CGGBP1: variants seen among roughly 807,000 people sequenced by gnomAD.
The protein encoded by CGGBP1 is CGG triplet repeat-binding protein 1.
A neutral mutation model predicts 11.4 loss-of-function variants in CGGBP1; 4 were observed. That is an observed-to-expected ratio of 0.35 (90% CI 0.17 to 0.80). CGGBP1 has a LOEUF of 0.80. Ranked by LOEUF, CGGBP1 falls within the 30% of genes least tolerant of loss-of-function variation. The pLI, the probability that CGGBP1 is intolerant of heterozygous loss-of-function variation, is 0.52. For missense variants in CGGBP1, 135 were observed against 202.1 expected (o/e 0.67, Z 2.01); for synonymous variants, 76 against 74.1 (o/e 1.03, Z -0.13).
intron 2 of CGGBP1, among the ~76,000 whole-genome samples, chr3:88,082,403 G>A (rs908279684): frequency 6.6e-6 from 1 of 152,208 alleles, no homozygotes; most frequent in Non-Finnish European, 1.5e-5. Context: ...GGGATTACAG[G>A]CGTGAGCCAC....
At chr3:88,132,041 G>A (rs1706497137) in intron 2 of CGGBP1, among the ~76,000 whole-genome samples, 1 of 152,058 alleles carries the variant, frequency 6.6e-6, no homozygotes. Flanking sequence ...TGTTTGCTGA[G>A]TGCTTCCTAT....
intron 2 of CGGBP1, among the ~76,000 whole-genome samples, chr3:88,119,387 G>C (rs1359678422): frequency 6.7e-5 from 1 of 14,886 alleles, no homozygotes; most frequent in Non-Finnish European, 3.0e-4. Context: ...GACTGTTGTG[G>C]GGTGGGGGGA....
chr3:88,094,748 G>T (rs1703956958), intron 2 of CGGBP1, among the ~76,000 whole-genome samples: 1 of 151,982 alleles, frequency 6.6e-6, no homozygotes, highest in Non-Finnish European at 1.5e-5. Context: ...GCTTAATCTT[G>T]TGCTAAGTCA....
Position 88,113,090 on chromosome 3 carries a change from A to C in CGGBP1, c.-229+27880T>G, listed in dbSNP as rs538764016. Reference sequence around the variant, plus strand: ...TGGAGCAAAACTCAAAGAAGCAATGAAAGTTATTCACTTATTCTTTCTAGG... The same window carrying C: ...TGGAGCAAAACTCAAAGAAGCAATGCAAGTTATTCACTTATTCTTTCTAGG... On this transcript the variant is annotated intron_variant, in intron 2 of 3. Coordinates refer to the CGGBP1 transcript ENST00000462901. 9.6e-6 allele frequency: 14 copies of C among 1,465,726 alleles called. No homozygotes were observed. In the South Asian group the frequency reaches 1.6e-4, roughly 17 times the overall value. The allele number at this position is 1,465,726 out of a possible 1,614,324, so 90.8% of individuals were successfully genotyped here.
At chr3:88,147,462 C>T (rs1474590210) in intron 1 of CGGBP1, among the ~76,000 whole-genome samples, 2 of 152,146 alleles carry the variant, frequency 1.3e-5, no homozygotes, top group Non-Finnish European at 2.9e-5. Flanking sequence ...AAGGGAACCA[C>T]TGACTAGTCT....
At chr3:88,083,829 T>A (rs4378991) in intron 2 of CGGBP1, among the ~76,000 whole-genome samples, 3 of 151,964 alleles carry the variant, frequency 2.0e-5, no homozygotes, top group African/African-American at 7.2e-5. Context: ...AAAGATGTGG[T>A]GCTTACTGCC....
At position 88,095,227 on chromosome 3, in the gene CGGBP1, C is replaced by G. The variant is rs140893968; in HGVS notation, c.-228-37004G>C. On this transcript the variant is annotated intron_variant, in intron 2 of 3. Transcript: ENST00000462901. ...TTTTGTTTCCTTTTTTATTTTTTCC[C>G]CCTATGAATAGGACTATCAGTTATG... 2.6e-3 allele frequency among the ~76,000 whole-genome samples: 401 copies of G among 151,960 alleles called. 1 individual carries two copies. Among genetic ancestry groups the G allele is most frequent in the African/African-American group, 9.4e-3 (390 of 41,464 alleles).
At chr3:88,072,167 A>G (rs1576203098) in intron 2 of CGGBP1, among the ~76,000 whole-genome samples, 1 of 152,218 alleles carries the variant, frequency 6.6e-6, no homozygotes, top group African/African-American at 2.4e-5. Flanking sequence ...CTCTAAAGGA[A>G]CTGAATTATC....
intron 2 of CGGBP1, among the ~76,000 whole-genome samples, chr3:88,064,322 A>T (rs570061436): frequency 3.3e-5 from 5 of 151,462 alleles, no homozygotes; most frequent in Non-Finnish European, 7.4e-5. Flanking sequence ...TTACTGTCTC[A>T]CTATTGATCT....
chr3:88,068,237 G>A (rs1379970437), intron 2 of CGGBP1, among the ~76,000 whole-genome samples: 1 of 152,058 alleles, frequency 6.6e-6, no homozygotes, highest in Non-Finnish European at 1.5e-5. Flanking sequence ...CTCGGTGAAG[G>A]TGTGAAAAAT....
intron 2 of CGGBP1, among the ~76,000 whole-genome samples, chr3:88,123,861 G>A (rs1169368323): frequency 3.3e-5 from 5 of 152,064 alleles, no homozygotes; most frequent in South Asian, 4.2e-4. Context: ...TTGAATTTTC[G>A]GGGCAGTCAT....
At chr3:88,067,126 A>G (rs993010935) in intron 2 of CGGBP1, among the ~76,000 whole-genome samples, 6 of 152,226 alleles carry the variant, frequency 3.9e-5, no homozygotes, top group African/African-American at 9.6e-5. Context: ...AAGCTTGTCA[A>G]TTATATAAGG....
upstream of CGGBP1, chr3:88,059,448 C>A: frequency 6.6e-7 from 1 of 1,524,072 alleles, no homozygotes; most frequent in Non-Finnish European, 8.7e-7. Flanking sequence ...CTGGCAGCGG[C>A]AACTGCGGCG....
At chr3:88,134,121 G>T (rs1036400451) in intron 2 of CGGBP1, among the ~76,000 whole-genome samples, 1 of 151,630 alleles carries the variant, frequency 6.6e-6, no homozygotes, top group Admixed American at 6.6e-5. Flanking sequence ...AAAAAGGTGG[G>T]GGGTAGTGGA....
intron 2 of CGGBP1, among the ~76,000 whole-genome samples, chr3:88,092,365 A>G (rs9310071): frequency 0.029 from 4,447 of 152,324 alleles, 201 homozygotes; most frequent in African/African-American, 0.097. Context: ...AAGAGATATT[A>G]TATTAAACAA....
intron 2 of CGGBP1, among the ~76,000 whole-genome samples, chr3:88,087,736 T>C (rs983737837): frequency 6.6e-6 from 1 of 152,192 alleles, no homozygotes; most frequent in Admixed American, 6.5e-5. Flanking sequence ...AGGATAAGTA[T>C]TATTATGTGA....
At chr3:88,092,422 G>A (rs1423682187) in intron 2 of CGGBP1, among the ~76,000 whole-genome samples, 1 of 152,068 alleles carries the variant, frequency 6.6e-6, no homozygotes, top group East Asian at 1.9e-4. Context: ...ATTACAGAAT[G>A]CAATGAGAGG....
intron 2 of CGGBP1, among the ~76,000 whole-genome samples, chr3:88,073,560 C>G (rs950947152): frequency 6.6e-6 from 1 of 152,112 alleles, no homozygotes; most frequent in African/African-American, 2.4e-5. Flanking sequence ...ATTATGTATA[C>G]TAAAGTACTT....
At position 88,075,920 on chromosome 3, in the gene CGGBP1, A is replaced by G. The variant is rs150300465; in HGVS notation, c.-228-17697T>C. On this transcript the variant is annotated intron_variant, in intron 2 of 3. Coordinates refer to the CGGBP1 transcript ENST00000462901. ...CTTAAGAAAAAAATCTTACCAGCAC[A>G]ACATCAAACCCAAGACTGACCTCTT... Among the ~76,000 whole-genome samples the G allele has an allele frequency of 7.2e-3, 1,092 of 152,314 alleles. 14 individuals carry two copies. The highest frequency in any genetic ancestry group is 0.024 in the African/African-American group (1,004 of 41,572).
Sources: gnomAD v4.1 joint callset for allele counts (sites outside exome capture counted in the v4.1 genomes callset) on GRCh38, gnomAD v4.1.1 for gene constraint, MANE v1.5 for transcripts, NCBI Gene and HGNC (gene_info 2026-07-23, HGNC 2026-07-21) for gene names.